SYNGR1: variants seen among roughly 807,000 people sequenced by gnomAD.
The protein encoded by SYNGR1 is synaptogyrin-1.
SYNGR1 carries 14 observed loss-of-function variants against 26.1 expected under a neutral mutation model. The ratio of observed to expected loss-of-function variants is 0.54; its 90% CI spans 0.35 to 0.84. The LOEUF is 0.84. Ranked by LOEUF, SYNGR1 falls within the 40% of genes least tolerant of loss-of-function variation. The pLI, the probability that SYNGR1 is intolerant of heterozygous loss-of-function variation, is 0.01. For missense variants in SYNGR1, 319 were observed against 332.9 expected, an observed-to-expected ratio of 0.96 and a Z score of 0.33; for synonymous variants, 141 against 150.1, an observed-to-expected ratio of 0.94 and a Z score of 0.44.
At chr22:39,351,462 C>G (rs1158701380) in intron 1 of SYNGR1, among the ~76,000 whole-genome samples, 5 of 152,244 alleles carry the variant, frequency 3.3e-5, no homozygotes, top group African/African-American at 1.2e-4. Flanking sequence ...GCCGGGCACC[C>G]CAGCACATCT....
intron 1 of SYNGR1, among the ~76,000 whole-genome samples, chr22:39,372,278 C>T (rs1477980609): frequency 2.0e-5 from 3 of 151,170 alleles, no homozygotes; most frequent in Non-Finnish European, 4.4e-5. Context: ...ACCACAGGCA[C>T]GTGCCACCAC....
intron 2 of SYNGR1, chr22:39,374,797 C>G (rs1216716841): frequency 1.0e-5 from 6 of 576,168 alleles, no homozygotes; most frequent in Non-Finnish European, 1.6e-5. Flanking sequence ...CTAGTTCCTT[C>G]TAGTCTAAGG....
At chr22:39,366,834 A>G (rs1244994921) in intron 1 of SYNGR1, among the ~76,000 whole-genome samples, 1 of 152,160 alleles carries the variant, frequency 6.6e-6, no homozygotes, top group Admixed American at 6.5e-5. Context: ...AGTCGCATCA[A>G]GTCACTCAGC....
At chr22:39,361,524 A>AT (rs539254660) in intron 1 of SYNGR1, among the ~76,000 whole-genome samples, 2 of 151,230 alleles carry the variant, frequency 1.3e-5, no homozygotes, top group Admixed American at 6.6e-5. Flanking sequence ...TGCCTGGCTA[A>AT]TTTTTTTTGT....
chr22:39,362,015 CTT>C (rs377714031), intron 1 of SYNGR1, among the ~76,000 whole-genome samples: 2 of 139,682 alleles, frequency 1.4e-5, no homozygotes, highest in Admixed American at 7.1e-5. Context: ...CCTTTCTCTC[CTT>C]TTTTTTTTTT....
intron 1 of SYNGR1, among the ~76,000 whole-genome samples, chr22:39,356,689 A>C (rs115944160): frequency 0.017 from 2,626 of 152,176 alleles, 74 homozygotes; most frequent in African/African-American, 0.06. Context: ...GACCGGAAGA[A>C]CCAGCTGTCA....
chr22:39,383,703 TG>T lies in SYNGR1; in HGVS notation c.*1791del, dbSNP rs1601670847. On this transcript the variant is annotated 3_prime_UTR_variant, in exon 4 of 4. Transcript: ENST00000328933. ...CTCAGCAGTTACCCGGCCCCTGTGC[TG>T]GAGATACCAAGGGCATGGGTGGTCC... The T allele has an allele frequency of 1.3e-5, 2 of 152,348 alleles. No homozygotes were observed. Among genetic ancestry groups the T allele is most frequent in the African/African-American group, 2.4e-5 (1 of 41,446 alleles). The allele number at this position is 152,348 out of a possible 1,614,324, so 9.4% of individuals were successfully genotyped here.
At chr22:39,376,323 C>T in intron 3 of SYNGR1, 126 bp downstream of exon 3, 2 of 1,494,138 alleles carry the variant, frequency 1.3e-6, no homozygotes, top group Non-Finnish European at 1.8e-6. Context: ...CTCGCTCCCT[C>T]TTCTGCCTGC....
At position 39,385,282 on chromosome 22, in the gene SYNGR1, C is replaced by T. The variant is rs1014714267; in HGVS notation, c.*3368C>T. On this transcript the variant is annotated 3_prime_UTR_variant, in exon 4 of 4. Transcript: ENST00000328933. ...CGCACAGCCCTTGTCGGTGCCCCGG[C>T]CCCTCCCGCAGCGTTACTGCCTGTG... The T allele has an allele frequency of 2.2e-5, 7 of 325,420 alleles. No individual in the cohort carries two copies. Among genetic ancestry groups the T allele is most frequent in the Non-Finnish European group, 3.3e-5 (6 of 180,478 alleles). 20.2% of individuals were successfully genotyped at this position (325,420 alleles called of 1,614,324 possible).
At chr22:39,359,520 A>C (rs1601652616) in intron 1 of SYNGR1, among the ~76,000 whole-genome samples, 1 of 149,884 alleles carries the variant, frequency 6.7e-6, no homozygotes, top group South Asian at 2.1e-4. Context: ...AGTCCCAGCT[A>C]CCCGGGAGGC....
intron 3 of SYNGR1, among the ~76,000 whole-genome samples, chr22:39,379,231 A>G (rs777620828): frequency 6.6e-6 from 1 of 152,194 alleles, no homozygotes; most frequent in African/African-American, 2.4e-5. Context: ...CCTTAGCCCA[A>G]TTTCTTTAGA....
At chr22:39,354,746 G>A (rs534561317) in intron 1 of SYNGR1, among the ~76,000 whole-genome samples, 1 of 151,912 alleles carries the variant, frequency 6.6e-6, no homozygotes, top group Non-Finnish European at 1.5e-5. Flanking sequence ...GGCTGAGGCA[G>A]GAGAATCGCT....
intron 1 of SYNGR1, among the ~76,000 whole-genome samples, chr22:39,358,106 G>A (rs867212936): frequency 1.3e-5 from 2 of 152,266 alleles, no homozygotes; most frequent in Non-Finnish European, 2.9e-5. Context: ...CTAGCTCAGG[G>A]ATTGTAAATA....
At chr22:39,364,283 G>A in intron 1 of SYNGR1, 1 of 1,613,766 alleles carries the variant, frequency 6.2e-7, no homozygotes, top group Non-Finnish European at 8.5e-7. Context: ...TGGAGGAGCA[G>A]GCCCGGATGT....
chr22:39,351,063 G>A (rs1923885432), intron 1 of SYNGR1, among the ~76,000 whole-genome samples: 1 of 152,210 alleles, frequency 6.6e-6, no homozygotes, highest in African/African-American at 2.4e-5. Flanking sequence ...TGCCTTGAGT[G>A]GCACCTCATG....
At position 39,382,076 on chromosome 22, in the gene SYNGR1, G is replaced by A; in HGVS notation, c.*162G>A. On this transcript the variant is annotated 3_prime_UTR_variant, in exon 4 of 4. Coordinates refer to ENST00000328933, the MANE Select transcript of SYNGR1 (RefSeq NM_004711.5). ...GGCAGGGGTGGGGCAGTCCAGTGTT[G>A]GGGACTGTCTACGTATGTGCAAGTA... The A allele has an allele frequency of 4.0e-6, 3 of 749,578 alleles. No homozygotes were observed. The South Asian group carries it at 4.9e-5, about 12-fold the overall frequency. 46.4% of individuals were successfully genotyped at this position (749,578 alleles called of 1,614,324 possible).
At chr22:39,372,842 G>T (rs1483801599) in intron 1 of SYNGR1, among the ~76,000 whole-genome samples, 8 of 152,048 alleles carry the variant, frequency 5.3e-5, no homozygotes, top group Admixed American at 5.2e-4. Flanking sequence ...TGGACTGAGG[G>T]GCTCAGTTCC....
chr22:39,350,016 A>T lies in SYNGR1; in HGVS notation c.6A>T (p.Glu2Asp). ...ACCGCGCGGGTGCAGCCACGATGGA[A>T]GGGGGTGCGTACGGAGCGGGCAAAG... Reference protein sequence around the residue: MEGGAYGAGKAG... With the variant: MDGGAYGAGKAG... Residue 2 changes from glutamate (E) to aspartate (D), a missense_variant, in exon 1 of 4, where the codon GAA becomes GAT. Physicochemically the swap from Glu to Asp is conservative, Grantham distance 45. Coordinates refer to ENST00000328933, the MANE Select transcript of SYNGR1 (RefSeq NM_004711.5). The surrounding 1 kb of genome is among the most constrained non-coding windows in gnomAD (Gnocchi z 4.3). 1 of 1,331,874 alleles carries T rather than the reference A, an allele frequency of 7.5e-7. No individual in the cohort carries two copies. Among genetic ancestry groups the T allele is most frequent in the East Asian group, 3.7e-5 (1 of 27,290 alleles). 82.5% of individuals were successfully genotyped at this position (1,331,874 alleles called of 1,614,324 possible).
At chr22:39,359,691 C>T (rs531281275) in intron 1 of SYNGR1, among the ~76,000 whole-genome samples, 29 of 150,870 alleles carry the variant, frequency 1.9e-4, no homozygotes, top group African/African-American at 7.0e-4. Flanking sequence ...CAGTCCTCTC[C>T]AGCACTGCTC....
Sources: allele counts gnomAD v4.1 joint callset (sites outside exome capture counted in the v4.1 genomes callset), GRCh38; gene constraint gnomAD v4.1.1; non-coding constraint Gnocchi (gnomAD v3.1); transcripts MANE v1.5; gene names NCBI Gene and HGNC (gene_info 2026-07-23, HGNC 2026-07-21).